The following ADARB2 variants were observed in gnomAD, a reference collection of about 807,000 sequenced individuals.
ADARB2 encodes inactive double-stranded RNA-specific editase B2.
ADARB2 carries 25 observed loss-of-function variants against 62.2 expected under a neutral mutation model. That is an observed-to-expected ratio of 0.40 (90% CI 0.29 to 0.56). ADARB2 has a LOEUF of 0.56. Ranked by LOEUF, ADARB2 falls within the 20% of genes least tolerant of loss-of-function variation. The probability of loss-of-function intolerance (pLI) is 0.43; values close to 1 mark genes in which losing one functional copy is unlikely to be tolerated. For synonymous variants in ADARB2, 572 were observed against 500.8 expected (o/e 1.14, Z -1.90); for missense variants, 1,071 against 1,077.4 (o/e 0.99, Z 0.08).
At chr10:1,588,100 C>A (rs1405649086) in intron 1 of ADARB2, among the ~76,000 whole-genome samples, 1 of 152,068 alleles carries the variant, frequency 6.6e-6, no homozygotes, top group Non-Finnish European at 1.5e-5. Context: ...TTTGTTTGAC[C>A]CAATCACAGG....
At chr10:1,195,419 TA>T (rs1836897115) in intron 8 of ADARB2, among the ~76,000 whole-genome samples, 1 of 140,936 alleles carries the variant, frequency 7.1e-6, no homozygotes, top group African/African-American at 2.7e-5. Flanking sequence ...TTTTTTAAGA[TA>T]AGGGTCTTTA....
At chr10:1,700,241 A>G (rs1588357649) in intron 1 of ADARB2, among the ~76,000 whole-genome samples, 2 of 17,640 alleles carry the variant, frequency 1.1e-4, no homozygotes, top group Non-Finnish European at 1.2e-4. Flanking sequence ...CCAGGAGACC[A>G]GGCGCTCGCC....
chr10:1,339,142 GA>G (rs768254645), intron 3 of ADARB2, among the ~76,000 whole-genome samples: 2 of 152,202 alleles, frequency 1.3e-5, no homozygotes, highest in Non-Finnish European at 2.9e-5. Flanking sequence ...GCCCTGTGCT[GA>G]GCCGAGATGT....
chr10:1,452,052 AG>A (rs1420022121), intron 1 of ADARB2, among the ~76,000 whole-genome samples: 2 of 152,146 alleles, frequency 1.3e-5, no homozygotes, highest in East Asian at 3.9e-4. Context: ...GTGGGAGCTG[AG>A]GGGAGGCCTG....
At chr10:1,193,914 A>G (rs1836874694) in intron 8 of ADARB2, among the ~76,000 whole-genome samples, 1 of 152,164 alleles carries the variant, frequency 6.6e-6, no homozygotes, top group Admixed American at 6.5e-5. Flanking sequence ...TGAGAATTAA[A>G]AAAAGTTATT....
chr10:1,519,965 C>T (rs1400212748), intron 1 of ADARB2, among the ~76,000 whole-genome samples: 1 of 152,190 alleles, frequency 6.6e-6, no homozygotes, highest in Non-Finnish European at 1.5e-5. Flanking sequence ...ACACCCTGGG[C>T]AAATCCTTTC....
chr10:1,408,480 G>A (rs1026873769), intron 1 of ADARB2, among the ~76,000 whole-genome samples: 2 of 152,092 alleles, frequency 1.3e-5, no homozygotes, highest in Admixed American at 6.5e-5. Context: ...ATAGCTGAGC[G>A]AAAGGGAGTC....
intron 1 of ADARB2, among the ~76,000 whole-genome samples, chr10:1,712,147 A>G (rs2119152695): frequency 6.6e-6 from 1 of 152,330 alleles, no homozygotes; most frequent in Admixed American, 6.5e-5. Context: ...TTTAAAACAG[A>G]TATTCTCAAA....
chr10:1,398,382 C>T lies in ADARB2; in HGVS notation c.101-19222G>A, dbSNP rs1832634231. Among the ~76,000 whole-genome samples the T allele has an allele frequency of 6.6e-6, 1 of 152,252 alleles. No homozygotes were observed. The highest frequency in any genetic ancestry group is 1.5e-5 in the Non-Finnish European group (1 of 68,050). On this transcript the variant is annotated intron_variant, in intron 1 of 9. Transcript: ENST00000381312. This position sits in a 1 kb window ranked among gnomAD's most constrained non-coding sequence, Gnocchi z 4.1. ...ACGGGGTGAAAGACCATGAGCGCTC[C>T]TCGGGACATCTGGCCTTTCACCTGT...
At chr10:1,389,877 A>C (rs1413234261) in intron 1 of ADARB2, among the ~76,000 whole-genome samples, 1 of 152,166 alleles carries the variant, frequency 6.6e-6, no homozygotes, top group Non-Finnish European at 1.5e-5. Context: ...TAGTAACTTC[A>C]AGAAACTTTG....
At chr10:1,584,037 T>C (rs1833141156) in intron 1 of ADARB2, among the ~76,000 whole-genome samples, 1 of 152,186 alleles carries the variant, frequency 6.6e-6, no homozygotes, top group Non-Finnish European at 1.5e-5. Context: ...ATAAAACTCC[T>C]ACAAGATGAC....
At chr10:1,413,346 C>T (rs888898287) in intron 1 of ADARB2, among the ~76,000 whole-genome samples, 30 of 152,206 alleles carry the variant, frequency 2.0e-4, no homozygotes, top group African/African-American at 6.0e-4. Flanking sequence ...TTAGAAACGG[C>T]GTCGGGTCTC....
chr10:1,183,838 C>T, intron 9 of ADARB2, among the ~76,000 whole-genome samples: 1 of 152,206 alleles, frequency 6.6e-6, no homozygotes, highest in East Asian at 1.9e-4. Flanking sequence ...CTGATACCCC[C>T]ACCACGGGGC....
intron 3 of ADARB2, among the ~76,000 whole-genome samples, chr10:1,285,449 C>T (rs1297528349): frequency 1.3e-5 from 2 of 152,186 alleles, no homozygotes; most frequent in African/African-American, 4.8e-5. Context: ...GATACCCAGC[C>T]TTGAAGCTAT....
intron 5 of ADARB2, among the ~76,000 whole-genome samples, chr10:1,234,367 T>C (rs146175439): frequency 7.2e-5 from 11 of 152,292 alleles, no homozygotes; most frequent in Admixed American, 2.0e-4. Flanking sequence ...GCAATGAAAC[T>C]ACGTGAATGC....
intron 1 of ADARB2, among the ~76,000 whole-genome samples, chr10:1,558,647 CCG>C (rs1564330163): frequency 1.0e-4 from 14 of 137,332 alleles, no homozygotes; most frequent in South Asian, 5.0e-4. Flanking sequence ...CTGCCCCCCT[CCG>C]TGGGTGCTCA....
intron 4 of ADARB2, among the ~76,000 whole-genome samples, chr10:1,263,442 T>C (rs1564239811): frequency 6.6e-6 from 1 of 152,186 alleles, no homozygotes; most frequent in East Asian, 1.9e-4. Flanking sequence ...AAAAGACTCA[T>C]AGTCAAAGAG....
intron 1 of ADARB2, among the ~76,000 whole-genome samples, chr10:1,537,555 A>G (rs1210822210): frequency 1.3e-5 from 2 of 152,238 alleles, no homozygotes; most frequent in Non-Finnish European, 2.9e-5. Flanking sequence ...AAGACTTAGA[A>G]CCAACCCAAA....
At chr10:1,276,752 A>G (rs969668929) in intron 3 of ADARB2, among the ~76,000 whole-genome samples, 1 of 152,206 alleles carries the variant, frequency 6.6e-6, no homozygotes, top group Non-Finnish European at 1.5e-5. Context: ...TGCACCAAGC[A>G]GACCTAATAG....
Sources: allele counts gnomAD v4.1 joint callset (sites outside exome capture counted in the v4.1 genomes callset), GRCh38; gene constraint gnomAD v4.1.1; non-coding constraint Gnocchi (gnomAD v3.1); transcripts MANE v1.5; gene names NCBI Gene and HGNC (gene_info 2026-07-23, HGNC 2026-07-21).